The following USP31 variants were observed in gnomAD, a reference collection of about 807,000 sequenced individuals.
The protein encoded by USP31 is ubiquitin specific peptidase 31.
Under a neutral mutation model 119.4 loss-of-function variants are expected in USP31, and 44 were observed. That is an observed-to-expected ratio of 0.37 (90% CI 0.29 to 0.47). The LOEUF is 0.47. USP31 is among the 20% of genes least tolerant of loss of function. The pLI, the probability that USP31 is intolerant of heterozygous loss-of-function variation, is 0.99. For missense variants in USP31, 1,643 were observed against 1,730.2 expected, an observed-to-expected ratio of 0.95 and a Z score of 0.89; for synonymous variants, 749 against 705.6, an observed-to-expected ratio of 1.06 and a Z score of -0.97.
intron 6 of USP31, among the ~76,000 whole-genome samples, chr16:23,101,989 A>C (rs989509142): frequency 1.3e-5 from 2 of 150,248 alleles, no homozygotes; most frequent in African/African-American, 2.5e-5. Flanking sequence ...AAAAAAAAAA[A>C]AAAAAACCTA....
intron 1 of USP31, among the ~76,000 whole-genome samples, chr16:23,130,814 AT>A (rs1903007367): frequency 1.3e-5 from 2 of 152,292 alleles, no homozygotes; most frequent in African/African-American, 4.8e-5. Context: ...AACCTTAAAC[AT>A]TTTTGGCAGA....
rs1028423538 is a variant in USP31 at position 23,148,322 on chromosome 16, C to A, written c.633+316G>T. Among the ~76,000 whole-genome samples, 5 of 152,188 alleles carry A rather than the reference C, an allele frequency of 3.3e-5. 1 individual carries two copies. Among genetic ancestry groups the A allele is most frequent in the Non-Finnish European group, 7.3e-5 (5 of 68,030 alleles). ...GGATTTGAACCCATGCTCAACACTCCCACCCCACAAAAATGCAAGTTCCAT... is the reference window on the plus strand; with the variant it reads ...GGATTTGAACCCATGCTCAACACTCACACCCCACAAAAATGCAAGTTCCAT... On this transcript the variant is annotated intron_variant, in intron 1 of 15. Transcript: ENST00000219689.
chr16:23,137,236 T>G (rs1239412954), intron 1 of USP31, among the ~76,000 whole-genome samples: 1 of 151,780 alleles, frequency 6.6e-6, no homozygotes, highest in East Asian at 1.9e-4. Context: ...AAAAAAACAA[T>G]GCGATACCAC....
intron 6 of USP31, among the ~76,000 whole-genome samples, chr16:23,097,659 G>T (rs543506566): frequency 2.0e-5 from 3 of 152,282 alleles, no homozygotes; most frequent in East Asian, 3.9e-4. Flanking sequence ...GGGATGCAAG[G>T]CTGGTTCAAC....
chr16:23,077,156 C>T (rs1031567009), intron 13 of USP31, among the ~76,000 whole-genome samples: 2 of 152,174 alleles, frequency 1.3e-5, no homozygotes, highest in South Asian at 4.1e-4. Context: ...ATCTTTCAAA[C>T]TTCTCTAGCT....
intron 7 of USP31, among the ~76,000 whole-genome samples, chr16:23,090,315 G>A (rs1195313238): frequency 7.2e-5 from 11 of 152,134 alleles, no homozygotes; most frequent in East Asian, 1.9e-4. Flanking sequence ...GAACCTGGGA[G>A]GCAGAGGTTG....
chr16:23,135,866 G>A (rs958455814), intron 1 of USP31, among the ~76,000 whole-genome samples: 1 of 152,276 alleles, frequency 6.6e-6, no homozygotes, highest in Admixed American at 6.5e-5. Context: ...TCAAGACACT[G>A]AAGCAAAACA....
intron 1 of USP31, among the ~76,000 whole-genome samples, chr16:23,117,876 G>A (rs914925042): frequency 5.9e-5 from 9 of 151,854 alleles, no homozygotes; most frequent in African/African-American, 1.2e-4. Flanking sequence ...TGCAACCTCC[G>A]CCTCCCGGGT....
Position 23,148,934 on chromosome 16 carries a change from A to AGGCGGGC in USP31, c.330_336dup (p.Ser113AlafsTer61), listed in dbSNP as rs1160232781. 1.7e-6 allele frequency: 2 copies of AGGCGGGC among 1,177,052 alleles called. No homozygotes were observed. The highest frequency in any genetic ancestry group is 3.3e-5 in the African/African-American group (2 of 60,268). The allele number at this position is 1,177,052 out of a possible 1,614,324, so 72.9% of individuals were successfully genotyped here. On this transcript the variant is annotated frameshift_variant, in exon 1 of 16. Coordinates refer to ENST00000219689, the MANE Select transcript of USP31 (RefSeq NM_020718.4). LOFTEE classifies it high-confidence loss of function. ...GCGGCGCAAGCGGGCGGCGCGGGAGAGGCGGGCGGCGGCGGGCACGGCGGC... is the reference window on the plus strand; with the variant it reads ...GCGGCGCAAGCGGGCGGCGCGGGAGAGGCGGGCGGCGGGCGGCGGCGGGCACGGCGGC...
At chr16:23,105,608 G>C in intron 4 of USP31, 32 bp from the exon 5 acceptor site, 1 of 1,502,350 alleles carries the variant, frequency 6.7e-7, no homozygotes, top group African/African-American at 1.4e-5. Flanking sequence ...CTTCTCATTA[G>C]TCACTTATTT....
chr16:23,131,176 C>T (rs1200945111), intron 1 of USP31, among the ~76,000 whole-genome samples: 2 of 152,162 alleles, frequency 1.3e-5, no homozygotes, highest in South Asian at 2.1e-4. Context: ...TGGTAGTGTG[C>T]ACCTGCAGTT....
chr16:23,124,547 TATAA>T (rs914048057), intron 1 of USP31, among the ~76,000 whole-genome samples: 2 of 152,140 alleles, frequency 1.3e-5, no homozygotes, highest in South Asian at 2.1e-4. Flanking sequence ...ACACTGGAGA[TATAA>T]ATAAATACCA....
In USP31 at chr16:23,072,063, CTCCAG is replaced by C. The variant is rs1217007341; in HGVS notation, c.2465_2469del (p.Thr822ArgfsTer4). ...CACCCACCATCATCTTCACTCCTTT[CTCCAG>C]TCATCTCCACGGACTCAGAGAGCGA... On this transcript the variant is annotated frameshift_variant, in exon 15 of 16. Coordinates refer to ENST00000219689, the MANE Select transcript of USP31 (RefSeq NM_020718.4). LOFTEE classifies it high-confidence loss of function. 1 of 1,613,236 alleles carries C rather than the reference CTCCAG, an allele frequency of 6.2e-7. No homozygotes were observed. Among genetic ancestry groups the C allele is most frequent in the African/African-American group, 1.3e-5 (1 of 74,914 alleles).
At chr16:23,135,231 A>T (rs1310579792) in intron 1 of USP31, among the ~76,000 whole-genome samples, 1 of 152,106 alleles carries the variant, frequency 6.6e-6, no homozygotes, top group Non-Finnish European at 1.5e-5. Context: ...CCCAGCTAAC[A>T]TCATACTGAA....
rs1048440703 is a variant in USP31, at chr16:23,082,197, T to C, written c.1950+241A>G. On this transcript the variant is annotated intron_variant, in intron 12 of 15. Transcript: ENST00000219689. ...AAATCCCAGAGTACACTTAACAAAA[T>C]TTAGGCACGACATTTACAAGTCAAG... is the stretch of plus-strand genomic sequence containing the variant. Among the ~76,000 whole-genome samples the C allele has an allele frequency of 5.3e-5, 8 of 152,182 alleles. 1 individual carries two copies. Among genetic ancestry groups the C allele is most frequent in the Non-Finnish European group, 8.8e-5 (6 of 68,038 alleles).
chr16:23,062,754 C>G lies in USP31; in HGVS notation c.*5292G>C, dbSNP rs1899897531. ...CCAGACTGGCGAGTGCTAGGCCATTCACAACATGGTCCAAGCTCCCCAACT... is the reference window on the plus strand; with the variant it reads ...CCAGACTGGCGAGTGCTAGGCCATTGACAACATGGTCCAAGCTCCCCAACT... On this transcript the variant is annotated 3_prime_UTR_variant, in exon 16 of 16. Transcript: ENST00000219689. 6.6e-6 allele frequency: 1 copy of G among 152,622 alleles called. No individual in the cohort carries two copies. The highest frequency in any genetic ancestry group is 2.4e-5 in the African/African-American group (1 of 41,462). The allele number at this position is 152,622 out of a possible 1,614,324, so 9.5% of individuals were successfully genotyped here. A position where few individuals can be genotyped will look rare whatever the true frequency, so the allele number is the denominator to read the frequency against.
At chr16:23,074,743 C>G (rs1900488656) in intron 13 of USP31, among the ~76,000 whole-genome samples, 1 of 152,172 alleles carries the variant, frequency 6.6e-6, no homozygotes, top group South Asian at 2.1e-4. Flanking sequence ...AATTCTAAGC[C>G]TGAGCTAGAA....
rs1899846608 is a variant in USP31, at chr16:23,061,897, T to C, written c.*6149A>G. On this transcript the variant is annotated 3_prime_UTR_variant, in exon 16 of 16. Coordinates refer to ENST00000219689, the MANE Select transcript of USP31 (RefSeq NM_020718.4). ...TTTAACCAGTGGTGAGAGGCACAGT[T>C]GGTGAGCAGACCTCTATGGAATGCA... is the stretch of plus-strand genomic sequence containing the variant. 1 of 152,668 alleles carries C rather than the reference T, an allele frequency of 6.6e-6. No individual in the cohort carries two copies. The highest frequency in any genetic ancestry group is 2.4e-5 in the African/African-American group (1 of 41,462). 9.5% of individuals were successfully genotyped at this position (152,668 alleles called of 1,614,324 possible).
intron 1 of USP31, among the ~76,000 whole-genome samples, chr16:23,126,609 AG>A (rs760277428): frequency 2.6e-4 from 39 of 151,546 alleles, no homozygotes; most frequent in Non-Finnish European, 5.0e-4. Context: ...CCTGGGCAAC[AG>A]AGCAAGACTC....
Sources: allele counts gnomAD v4.1 joint callset (sites outside exome capture counted in the v4.1 genomes callset), GRCh38; gene constraint gnomAD v4.1.1; transcripts MANE v1.5; gene names NCBI Gene and HGNC (gene_info 2026-07-23, HGNC 2026-07-21).